The following PCDH1 variants were observed in gnomAD, a reference collection of about 807,000 sequenced individuals.
The protein encoded by PCDH1 is protocadherin 1, also known as protocadherin-1.
PCDH1 carries 23 observed loss-of-function variants against 74.6 expected under a neutral mutation model. The observed-to-expected ratio is 0.31, with a 90% CI of 0.22 to 0.44. The LOEUF is 0.44. PCDH1 is among the 20% of genes least tolerant of loss of function. The probability of loss-of-function intolerance (pLI) is 1.00; values close to 1 mark genes in which losing one functional copy is unlikely to be tolerated. For synonymous variants in PCDH1, 647 were observed against 686.1 expected (o/e 0.94, Z 0.89); for missense variants, 1,214 against 1,641.4 (o/e 0.74, Z 4.50).
chr5:141,861,378 G>A (rs1752559122), intron 3 of PCDH1, among the ~76,000 whole-genome samples: 1 of 152,154 alleles, frequency 6.6e-6, no homozygotes. Flanking sequence ...TGAATGTTGG[G>A]AGAAGACATT....
chr5:141,876,217 G>A (rs1351053246), intron 1 of PCDH1, among the ~76,000 whole-genome samples: 1 of 152,218 alleles, frequency 6.6e-6, no homozygotes, highest in African/African-American at 2.4e-5. Flanking sequence ...CCAGCCTCCA[G>A]GAACCCAAGG....
chr5:141,858,979 C>T (rs1316432789), intron 3 of PCDH1, among the ~76,000 whole-genome samples: 1 of 152,110 alleles, frequency 6.6e-6, no homozygotes, highest in Non-Finnish European at 1.5e-5. Flanking sequence ...AGAACTGCCT[C>T]CCCACTATCC....
chr5:141,857,479 G>A lies in PCDH1; in HGVS notation c.3100-8C>T, dbSNP rs1184259562. 33 of 1,611,516 alleles carry A rather than the reference G, an allele frequency of 2.0e-5. No individual in the cohort carries two copies. Among genetic ancestry groups the A allele is most frequent in the Non-Finnish European group, 2.8e-5 (33 of 1,178,894 alleles). On this transcript the variant is annotated splice_polypyrimidine_tract_variant and splice_region_variant and intron_variant, in intron 3 of 4. Transcript: ENST00000287008. The stretch of plus-strand genomic sequence containing the variant: ...GACGCGGCGGTGAGGTAACTGCAGG[G>A]AGACAGATTGTCACTACTGACCAGC...
At position 141,878,391 on chromosome 5, in the gene PCDH1, C is replaced by A; in HGVS notation, c.-129G>T. 1 of 628,370 alleles carries A rather than the reference C, an allele frequency of 1.6e-6. No individual in the cohort carries two copies. The highest frequency in any genetic ancestry group is 7.3e-5 in the South Asian group (1 of 13,648). The allele number at this position is 628,370 out of a possible 1,614,324, so 38.9% of individuals were successfully genotyped here. On this transcript the variant is annotated 5_prime_UTR_variant, in exon 1 of 5. Coordinates refer to ENST00000287008, the MANE Select transcript of PCDH1 (RefSeq NM_032420.5). The surrounding 1 kb of genome is among the most constrained non-coding windows in gnomAD (Gnocchi z 5.5). ...CCGGCGGCTTTGCGTCCGCGCCGCGCTCCCGCTCCCCGAGTGTGTGAGGCG... is the reference window on the plus strand; with the variant it reads ...CCGGCGGCTTTGCGTCCGCGCCGCGATCCCGCTCCCCGAGTGTGTGAGGCG...
chr5:141,861,520 A>G (rs1038574253), intron 3 of PCDH1, among the ~76,000 whole-genome samples: 6 of 152,222 alleles, frequency 3.9e-5, no homozygotes, highest in Non-Finnish European at 8.8e-5. Context: ...CAGAAAGGAC[A>G]GAAAAGGAAG....
chr5:141,859,693 C>T (rs1752493284), intron 3 of PCDH1, among the ~76,000 whole-genome samples: 1 of 151,996 alleles, frequency 6.6e-6, no homozygotes, highest in Non-Finnish European at 1.5e-5. Context: ...CCTGTGGGTC[C>T]TTTCTCCCTA....
At chr5:141,867,727 C>T (rs1228299036) in intron 2 of PCDH1, 1 of 384,342 alleles carries the variant, frequency 2.6e-6, no homozygotes, top group Non-Finnish European at 5.0e-6. Flanking sequence ...GCCGAGCCTC[C>T]TCAGCTCCCT....
In PCDH1 at chr5:141,863,125, G is replaced by A. The variant is rs1207099533; in HGVS notation, c.3099+107C>T. ...TGGCTCAGGCTGGCCCCCAACACGG[G>A]CAGGCACAGTAAACCTGCTCCATCA... On this transcript the variant is annotated intron_variant, in intron 3 of 4. Transcript: ENST00000287008. This position sits in a 1 kb window ranked among gnomAD's most constrained non-coding sequence, Gnocchi z 7.5. 4.2e-6 allele frequency: 6 copies of A among 1,436,530 alleles called. No homozygotes were observed. The highest frequency in any genetic ancestry group is 5.5e-6 in the Non-Finnish European group (6 of 1,091,200). The allele number at this position is 1,436,530 out of a possible 1,614,324, so 89.0% of individuals were successfully genotyped here. A position where few individuals can be genotyped will look rare whatever the true frequency, so the allele number is the denominator to read the frequency against.
chr5:141,854,237 G>A lies in PCDH1; in HGVS notation c.3519C>T (p.Ser1173=), dbSNP rs571384882. 2.0e-5 allele frequency: 33 copies of A among 1,611,748 alleles called. No homozygotes were observed. In the African/African-American group the frequency reaches 3.1e-4, roughly 15 times the overall value. ...TTTTGGTGTTCCGGTCTTCCGGGGG[G>A]CTGGGGCTGCCGGCGCCCGCAGGCT... is the stretch of plus-strand genomic sequence containing the variant. ...GQEPAGAGSP[S]PPEDRNTKTA... Residue 1173 remains serine, a synonymous_variant, in exon 5 of 5, where the codon AGC becomes AGT. Coordinates refer to ENST00000287008, the MANE Select transcript of PCDH1 (RefSeq NM_032420.5).
At chr5:141,858,010 C>T (rs749419075) in intron 3 of PCDH1, among the ~76,000 whole-genome samples, 5 of 152,200 alleles carry the variant, frequency 3.3e-5, no homozygotes, top group Admixed American at 2.0e-4. Flanking sequence ...AATACCACAA[C>T]AGTTAGTTCC....
chr5:141,857,815 A>C (rs530951742), intron 3 of PCDH1, among the ~76,000 whole-genome samples: 2 of 152,270 alleles, frequency 1.3e-5, no homozygotes, highest in South Asian at 2.1e-4. Flanking sequence ...CCAGCTTCCC[A>C]ATATTGGCAC....
In PCDH1 at chr5:141,864,920, C is replaced by T. The variant is rs780765653; in HGVS notation, c.1411G>A (p.Asp471Asn). Residue 471 changes from aspartate (D) to asparagine (N), a missense_variant, in exon 3 of 5, where the codon GAC becomes AAC. Transcript: ENST00000287008. The surrounding 1 kb of genome is among the most constrained non-coding windows in gnomAD (Gnocchi z 5.9). ...TTPLDYEKVKDYTIEIVAVDS... is the reference protein window; with the variant it reads ...TTPLDYEKVKNYTIEIVAVDS... ...ACAGCCACAATCTCAATGGTGTAGT[C>T]TTTGACCTTCTCGTAGTCTAGCGGG... 1.3e-5 allele frequency: 21 copies of T among 1,614,150 alleles called. No homozygotes were observed. In the East Asian group the frequency reaches 4.5e-4, roughly 34 times the overall value.
chr5:141,855,081 C>G (rs1020076559), intron 4 of PCDH1, among the ~76,000 whole-genome samples: 7 of 152,188 alleles, frequency 4.6e-5, no homozygotes, highest in African/African-American at 1.4e-4. Context: ...AGGCAATCCT[C>G]CCACCTCAGA....
rs1364503062 is a variant in PCDH1 at position 141,869,973 on chromosome 5, C to T, written c.41-542G>A. 6.6e-6 allele frequency among the ~76,000 whole-genome samples: 1 copy of T among 152,184 alleles called. No individual in the cohort carries two copies. The highest frequency in any genetic ancestry group is 2.4e-5 in the African/African-American group (1 of 41,444). ...CACACCCCAGACCCTGGGACCTTGA[C>T]TTGTCACACTGGGCTCCATTAAGGT... On this transcript the variant is annotated intron_variant, in intron 1 of 4. Coordinates refer to ENST00000287008, the MANE Select transcript of PCDH1 (RefSeq NM_032420.5). The surrounding 1 kb of genome is among the most constrained non-coding windows in gnomAD (Gnocchi z 4.9).
chr5:141,873,711 G>T (rs1182364280), intron 1 of PCDH1, among the ~76,000 whole-genome samples: 4 of 151,194 alleles, frequency 2.6e-5, no homozygotes, highest in Admixed American at 6.6e-5. Context: ...TCCTGCGTCA[G>T]CCTCCCAAAG....
Position 141,864,328 on chromosome 5 carries a change from AG to A in PCDH1, c.2002del (p.Leu668TyrfsTer4). 6.2e-7 allele frequency: 1 copy of A among 1,614,122 alleles called. No homozygotes were observed. The highest frequency in any genetic ancestry group is 8.5e-7 in the Non-Finnish European group (1 of 1,179,976). ...FVIQNGTGTI[L>X]SSLSFDREQQ... ...CTCTCGATCAAAGCTCAGGCTGGAT[AG>A]GATGGTGCCTGTGCCATTCTGGATA... On this transcript the variant is annotated frameshift_variant, in exon 3 of 5. Coordinates refer to ENST00000287008, the MANE Select transcript of PCDH1 (RefSeq NM_032420.5). LOFTEE classifies it high-confidence loss of function. The surrounding 1 kb of genome is among the most constrained non-coding windows in gnomAD (Gnocchi z 5.9).
intron 4 of PCDH1, 23 bp from the exon 5 acceptor site, chr5:141,854,459 A>G: frequency 6.3e-7 from 1 of 1,576,012 alleles, no homozygotes; most frequent in Non-Finnish European, 8.6e-7. Flanking sequence ...GCGGGGAAGG[A>G]CAATTGTCAG....
intron 4 of PCDH1, chr5:141,856,412 G>A: frequency 2.5e-6 from 2 of 803,286 alleles, no homozygotes; most frequent in Non-Finnish European, 2.1e-6. Context: ...GCAGGGGAGT[G>A]AAACCTCCCA....
Position 141,854,342 on chromosome 5 carries a change from C to A in PCDH1, c.3414G>T (p.Gln1138His). The A allele has an allele frequency of 6.2e-7, 1 of 1,613,726 alleles. No homozygotes were observed. Among genetic ancestry groups the A allele is most frequent in the Non-Finnish European group, 8.5e-7 (1 of 1,179,994 alleles). ...GHSDTCWMPG[Q>H]SSPSRRTKSS... ...TCTTGGTCCGGCGGCTGGGAGATGA[C>A]TGGCCAGGCATCCAGCATGTGTCAG... Residue 1138 changes from glutamine to histidine, a missense_variant, in exon 5 of 5, where the codon CAG (glutamine) becomes CAT (histidine). Physicochemically the swap from Gln to His is conservative, Grantham distance 24. This residue lies in a region of PCDH1 where 194 missense variants were observed against 198.3 expected (regional missense o/e 0.98). Coordinates refer to ENST00000287008, the MANE Select transcript of PCDH1 (RefSeq NM_032420.5).
Sources: gnomAD v4.1 joint callset for allele counts (sites outside exome capture counted in the v4.1 genomes callset) on GRCh38, gnomAD v4.1.1 for gene constraint, gnomAD v4.1.1 regional missense constraint, Gnocchi (gnomAD v3.1) non-coding constraint, MANE v1.5 for transcripts, NCBI Gene and HGNC (gene_info 2026-07-23, HGNC 2026-07-21) for gene names.